The following PCDHGA7 variants were observed in gnomAD, a reference collection of about 807,000 sequenced individuals.
PCDHGA7 encodes protocadherin gamma subfamily A, 7, also known as protocadherin gamma-A7.
A neutral mutation model predicts 58.3 loss-of-function variants in PCDHGA7; 44 were observed. The observed-to-expected ratio is 0.75, with a 90% CI of 0.59 to 0.97. The LOEUF (loss-of-function observed/expected upper bound fraction) is 0.97, where lower values mean the gene tolerates loss of function less well. Ranked by LOEUF, PCDHGA7 falls within the 50% of genes least tolerant of loss-of-function variation. The pLI, the probability that PCDHGA7 is intolerant of heterozygous loss-of-function variation, is 0.00. For missense variants in PCDHGA7, 1,266 were observed against 1,188.7 expected (o/e 1.06, Z -0.96); for synonymous variants, 516 against 504.2 (o/e 1.02, Z -0.31).
intron 1 of PCDHGA7, chr5:141,399,309 CA>C: frequency 6.2e-7 from 1 of 1,613,902 alleles, no homozygotes; most frequent in Non-Finnish European, 8.5e-7. Flanking sequence ...TCTCTTCATC[CA>C]AAAATTCGTA....
intron 1 of PCDHGA7, among the ~76,000 whole-genome samples, chr5:141,439,132 G>C (rs1180893484): frequency 6.6e-6 from 1 of 151,054 alleles, no homozygotes; most frequent in African/African-American, 2.4e-5. Context: ...GACAGAGGTT[G>C]CAGTGAGCTG....
intron 1 of PCDHGA7, among the ~76,000 whole-genome samples, chr5:141,445,924 A>G (rs1451439271): frequency 6.6e-6 from 1 of 152,184 alleles, no homozygotes; most frequent in Non-Finnish European, 1.5e-5. Flanking sequence ...GTGACAAGAT[A>G]TTTGAATTAT....
intron 1 of PCDHGA7, chr5:141,422,516 G>A (rs575294611): frequency 1.2e-6 from 2 of 1,614,014 alleles, no homozygotes; most frequent in African/African-American, 1.3e-5. Context: ...GACCAGGGAA[G>A]CCCGCCTTTG....
chr5:141,410,036 A>G, intron 1 of PCDHGA7: 1 of 1,613,240 alleles, frequency 6.2e-7, no homozygotes, highest in Non-Finnish European at 8.5e-7. Flanking sequence ...GCTGCAGGCC[A>G]GTGAGCCCGG....
In PCDHGA7 at chr5:141,404,831, C is replaced by T. The variant is rs760971907; in HGVS notation, c.2424+19508C>T. 12 of 1,613,738 alleles carry T rather than the reference C, an allele frequency of 7.4e-6. No homozygotes were observed. The highest frequency in any genetic ancestry group is 3.3e-5 in the Admixed American group (2 of 59,978). On this transcript the variant is annotated intron_variant, in intron 1 of 3. Transcript: ENST00000518325. ...GGTGGGGCTGCACACAGGTGAAGTGCGCACAGCTCGGGCCCTGCTAGATAG... is the reference window on the plus strand; with the variant it reads ...GGTGGGGCTGCACACAGGTGAAGTGTGCACAGCTCGGGCCCTGCTAGATAG...
In PCDHGA7 at chr5:141,398,596, G is replaced by A. The variant is rs201846904; in HGVS notation, c.2424+13273G>A. 1,173 of 1,614,034 alleles carry A rather than the reference G, an allele frequency of 7.3e-4. 1 individual carries two copies. Among genetic ancestry groups the A allele is most frequent in the Non-Finnish European group, 9.3e-4 (1,101 of 1,179,898 alleles). ...TGGCACAAGATTTATACTAGAAGTA[G>A]CAGAAGATGCAGATATTGGCTTAAA... is the stretch of plus-strand genomic sequence containing the variant. On this transcript the variant is annotated intron_variant, in intron 1 of 3. Transcript: ENST00000518325.
intron 2 of PCDHGA7, among the ~76,000 whole-genome samples, chr5:141,503,239 C>G (rs1364808315): frequency 6.6e-6 from 1 of 152,088 alleles, no homozygotes; most frequent in Non-Finnish European, 1.5e-5. Flanking sequence ...TGGACAGTTT[C>G]TATCATACTC....
intron 1 of PCDHGA7, chr5:141,422,547 G>C: frequency 1.9e-6 from 3 of 1,613,938 alleles, no homozygotes; most frequent in Non-Finnish European, 2.5e-6. Context: ...CTCATGTCTG[G>C]CTGAATGTGG....
rs1347087103 is a variant in PCDHGA7 at position 141,409,851 on chromosome 5, T to C, written c.2424+24528T>C. 4 of 1,612,112 alleles carry C rather than the reference T, an allele frequency of 2.5e-6. No homozygotes were observed. In the Admixed American group the frequency reaches 6.7e-5, roughly 27 times the overall value. On this transcript the variant is annotated intron_variant, in intron 1 of 3. Transcript: ENST00000518325. ...CTCAGCGCCAACGTGAGCCTGCGCG[T>C]GTTGGTGGGAGACCGCAATGACAAC...
chr5:141,452,252 C>T (rs868364679), intron 1 of PCDHGA7, among the ~76,000 whole-genome samples: 2 of 152,106 alleles, frequency 1.3e-5, no homozygotes, highest in Non-Finnish European at 2.9e-5. Context: ...TTTGCCATAA[C>T]TCTCTCATTT....
chr5:141,497,538 AC>A lies in PCDHGA7; in HGVS notation c.2483+2675del, dbSNP rs1247704872. Among the ~76,000 whole-genome samples, 601 of 142,636 alleles carry A rather than the reference AC, an allele frequency of 4.2e-3. 3 individuals are homozygous for A. Among genetic ancestry groups the A allele is most frequent in the African/African-American group, 0.013 (497 of 38,408 alleles). The allele number at this position is 142,636 out of a possible 152,430, so 93.6% of individuals were successfully genotyped here. On this transcript the variant is annotated intron_variant, in intron 2 of 3. Coordinates refer to ENST00000518325, the MANE Select transcript of PCDHGA7 (RefSeq NM_018920.4). ...AGTTAACTTGTGGAGGATGCAACAA[AC>A]CTTTTTTTTTTTTTTTTTTAGACAG...
chr5:141,399,960 G>T, intron 1 of PCDHGA7: 1 of 1,612,214 alleles, frequency 6.2e-7, no homozygotes, highest in Non-Finnish European at 8.5e-7. Flanking sequence ...GCGAGCCCGG[G>T]CTCTTCAGCC....
At chr5:141,428,448 T>C in intron 1 of PCDHGA7, 12 of 375,612 alleles carry the variant, frequency 3.2e-5, no homozygotes, top group South Asian at 2.4e-4. Flanking sequence ...CAGGGGTTTT[T>C]CCCAACTACA....
At chr5:141,494,171 G>A (rs72790068) in intron 1 of PCDHGA7, among the ~76,000 whole-genome samples, 9,520 of 152,240 alleles carry the variant, frequency 0.063, 348 homozygotes, top group South Asian at 0.11. Flanking sequence ...TTCTAGGGGT[G>A]AGAAGTGTCC....
At chr5:141,399,635 T>C (rs1237333371) in intron 1 of PCDHGA7, 1 of 1,613,746 alleles carries the variant, frequency 6.2e-7, no homozygotes, top group Admixed American at 1.7e-5. Context: ...TACGTGTCCA[T>C]GAGCGCGCAA....
chr5:141,420,271 A>G, intron 1 of PCDHGA7: 1 of 1,536,584 alleles, frequency 6.5e-7, no homozygotes, highest in Non-Finnish European at 8.8e-7. Flanking sequence ...AGATTCTTAA[A>G]CAGGTAAGTA....
chr5:141,494,843 G>T lies in PCDHGA7; in HGVS notation c.2461G>T (p.Ala821Ser). The T allele has an allele frequency of 6.2e-7, 1 of 1,614,088 alleles. No individual in the cohort carries two copies. The highest frequency in any genetic ancestry group is 8.5e-7 in the Non-Finnish European group (1 of 1,180,006). ...PPNTDWRFSQ[A>S]QRPGTSGSQN... Reference sequence around the variant, plus strand: ...CAACACGGACTGGCGTTTCTCTCAGGCCCAGAGACCCGGCACCAGCGGGTA... The same window carrying T: ...CAACACGGACTGGCGTTTCTCTCAGTCCCAGAGACCCGGCACCAGCGGGTA... Residue 821 changes from alanine (A) to serine (S), a missense_variant, in exon 2 of 4, where the codon GCC becomes TCC. Transcript: ENST00000518325.
intron 1 of PCDHGA7, chr5:141,409,428 C>T (rs2095264686): frequency 6.2e-7 from 1 of 1,613,870 alleles, no homozygotes; most frequent in Admixed American, 1.7e-5. Context: ...ACAGATGGAG[C>T]CCTGGACCGA....
chr5:141,390,170 T>C lies in PCDHGA7; in HGVS notation c.2424+4847T>C, dbSNP rs773539625. 5 of 1,613,940 alleles carry C rather than the reference T, an allele frequency of 3.1e-6. No individual in the cohort carries two copies. In the African/African-American group the frequency reaches 6.7e-5, roughly 22 times the overall value. ...TTGCACATACAGGAAAGACGGAGTTTAATTTCCTAAAATGTAGTGAGCAGT... is the reference window on the plus strand; with the variant it reads ...TTGCACATACAGGAAAGACGGAGTTCAATTTCCTAAAATGTAGTGAGCAGT... On this transcript the variant is annotated intron_variant, in intron 1 of 3. Transcript: ENST00000518325.
Sources: gnomAD v4.1 joint callset for allele counts (sites outside exome capture counted in the v4.1 genomes callset) on GRCh38, gnomAD v4.1.1 for gene constraint, MANE v1.5 for transcripts, NCBI Gene and HGNC (gene_info 2026-07-23, HGNC 2026-07-21) for gene names.